The following PLXNC1 variants were observed in gnomAD, a reference collection of about 807,000 sequenced individuals.
PLXNC1 encodes the protein plexin-C1.
A neutral mutation model predicts 178.2 loss-of-function variants in PLXNC1; 75 were observed. The ratio of observed to expected loss-of-function variants is 0.42; its 90% CI spans 0.35 to 0.51. The LOEUF is 0.51. Ranked by LOEUF, PLXNC1 falls within the 20% of genes least tolerant of loss-of-function variation. The probability of loss-of-function intolerance (pLI) is 0.02; values close to 1 mark genes in which losing one functional copy is unlikely to be tolerated. For synonymous variants in PLXNC1, 790 were observed against 779.9 expected (o/e 1.01, Z -0.22); for missense variants, 1,503 against 1,984.4 (o/e 0.76, Z 4.61).
At chr12:94,172,513 T>G (rs537701365) in intron 2 of PLXNC1, among the ~76,000 whole-genome samples, 1 of 152,322 alleles carries the variant, frequency 6.6e-6, no homozygotes, top group African/African-American at 2.4e-5. Context: ...ATGTAAAAAG[T>G]TGCAGAGTCG....
chr12:94,164,447 G>GCCTGAA (rs1555194308), intron 1 of PLXNC1, among the ~76,000 whole-genome samples: 5,403 of 151,598 alleles, frequency 0.036, 108 homozygotes, highest in South Asian at 0.056. Flanking sequence ...TGAGCACCCT[G>GCCTGAA]CCTCGATGAG....
Position 94,181,526 on chromosome 12 carries a change from A to T in PLXNC1, c.1284A>T (p.Lys428Asn). Residue 428 changes from lysine (K) to asparagine (N), a missense_variant, in exon 3 of 31, where the codon AAA becomes AAT. This residue lies in a region of PLXNC1 where 615 missense variants were observed against 698.6 expected (regional missense o/e 0.88). Transcript: ENST00000258526. ...EIKEETPVFY[K>N]LVPDPVKNIY... ...AAGAAGAGACACCTGTTTTCTACAA[A>T]CTCGTTCCTGATCCTGTGAAGAATA... The T allele has an allele frequency of 1.2e-6, 2 of 1,608,426 alleles. No homozygotes were observed. Among genetic ancestry groups the T allele is most frequent in the Non-Finnish European group, 1.7e-6 (2 of 1,174,946 alleles).
chr12:94,179,427 T>C (rs1962220641), intron 2 of PLXNC1, among the ~76,000 whole-genome samples: 1 of 152,024 alleles, frequency 6.6e-6, no homozygotes. Flanking sequence ...AGATTAAAGG[T>C]TAGGTACAAA....
At chr12:94,270,150 A>G (rs1965487307) in intron 21 of PLXNC1, among the ~76,000 whole-genome samples, 1 of 152,202 alleles carries the variant, frequency 6.6e-6, no homozygotes, top group Non-Finnish European at 1.5e-5. Flanking sequence ...GATAGAAAGC[A>G]TTTTCCAGAT....
chr12:94,158,240 G>A (rs754762626), intron 1 of PLXNC1: 7 of 152,266 alleles, frequency 4.6e-5, no homozygotes, highest in Non-Finnish European at 8.8e-5. Context: ...TTGAAGCTGA[G>A]TGGAGAAGGC....
rs114453981 is a variant in PLXNC1, at chr12:94,307,456, T to C, written c.*2171T>C. 43 of 152,324 alleles carry C rather than the reference T, an allele frequency of 2.8e-4. 1 individual carries two copies. Among genetic ancestry groups the C allele is most frequent in the African/African-American group, 9.9e-4 (41 of 41,580 alleles). The allele number at this position is 152,324 out of a possible 1,614,324, so 9.4% of individuals were successfully genotyped here. ...CCAGAGCAACAAATGGCAAACAATT[T>C]CTATTTTCAAGTTTCTTTGCATATT... On this transcript the variant is annotated 3_prime_UTR_variant, in exon 31 of 31. Coordinates refer to ENST00000258526, the MANE Select transcript of PLXNC1 (RefSeq NM_005761.3).
Position 94,243,937 on chromosome 12 carries a change from G to A in PLXNC1, c.2301-1G>A. 2 of 1,547,562 alleles carry A rather than the reference G, an allele frequency of 1.3e-6. No individual in the cohort carries two copies. Among genetic ancestry groups the A allele is most frequent in the Non-Finnish European group, 1.8e-6 (2 of 1,123,524 alleles). ...CTTATTGTTGCTTTTATTCCTTGCAGTGGTGGTCAAAATATAACCATGATG... is the reference window on the plus strand; with the variant it reads ...CTTATTGTTGCTTTTATTCCTTGCAATGGTGGTCAAAATATAACCATGATG... On this transcript the variant is annotated splice_acceptor_variant, in intron 11 of 30. Coordinates refer to ENST00000258526, the MANE Select transcript of PLXNC1 (RefSeq NM_005761.3). LOFTEE classifies it high-confidence loss of function.
chr12:94,226,527 C>A, intron 7 of PLXNC1, 78 bp from the exon 8 acceptor site: 2 of 920,162 alleles, frequency 2.2e-6, no homozygotes, highest in South Asian at 1.4e-5. Flanking sequence ...TGCTTGCATG[C>A]CACATCACAG....
chr12:94,247,847 A>G, intron 12 of PLXNC1, 56 bp from the exon 13 acceptor site: 1 of 1,511,098 alleles, frequency 6.6e-7, no homozygotes, highest in Non-Finnish European at 9.1e-7. Context: ...GCTCTTAGAG[A>G]TCACAGCTGG....
chr12:94,304,600 C>G (rs778304642), intron 30 of PLXNC1, among the ~76,000 whole-genome samples: 10 of 152,242 alleles, frequency 6.6e-5, no homozygotes, highest in East Asian at 3.9e-4. Flanking sequence ...TGATTCCCCC[C>G]CAATCATGCT....
chr12:94,216,856 C>G (rs1963659330), intron 5 of PLXNC1, among the ~76,000 whole-genome samples: 1 of 152,202 alleles, frequency 6.6e-6, no homozygotes, highest in African/African-American at 2.4e-5. Context: ...CTGCATCCCA[C>G]CTGCCCTTTA....
rs150686374 is a variant in PLXNC1 at position 94,182,075 on chromosome 12, A to G, written c.1338+495A>G. The stretch of plus-strand genomic sequence containing the variant: ...TCTTTTGCTTCTGCTTACTGAAATA[A>G]AAGTAATATATTTTTATATTTTCTT... On this transcript the variant is annotated intron_variant, in intron 3 of 30. Transcript: ENST00000258526. 5.6e-4 allele frequency among the ~76,000 whole-genome samples: 85 copies of G among 152,284 alleles called. 1 individual carries two copies. Among genetic ancestry groups the G allele is most frequent in the African/African-American group, 2.0e-3 (82 of 41,556 alleles).
chr12:94,244,072 T>A lies in PLXNC1; in HGVS notation c.2388+47T>A, dbSNP rs1256457159. The A allele has an allele frequency of 4.5e-6, 5 of 1,119,894 alleles. 1 individual carries two copies. The highest frequency in any genetic ancestry group is 3.9e-5 in the South Asian group (3 of 76,922). The allele number at this position is 1,119,894 out of a possible 1,614,324, so 69.4% of individuals were successfully genotyped here. A position where few individuals can be genotyped will look rare whatever the true frequency, so the allele number is the denominator to read the frequency against. On this transcript the variant is annotated intron_variant, in intron 12 of 30. Coordinates refer to ENST00000258526, the MANE Select transcript of PLXNC1 (RefSeq NM_005761.3). ...AATAATAGTTGTTTTCAAGGATGGT[T>A]CTATTTTCATCACACTATGCTATGT...
Position 94,251,486 on chromosome 12 carries a change from T to C in PLXNC1, c.2839T>C (p.Phe947Leu). The change falls in exon 15 of 31, where the codon TTT becomes CTT. Residue 947 changes from phenylalanine to leucine, a missense_variant. Around this residue, in one of 4 missense-constraint regions of PLXNC1, gnomAD observed 639 missense variants for 979.7 expected, o/e 0.65. Coordinates refer to ENST00000258526, the MANE Select transcript of PLXNC1 (RefSeq NM_005761.3). The part of the protein sequence containing the change: ...EQESVPSTWY[F>L]LIVLPVLLVI... ...GGAGTCAGTTCCTTCCACATGGTAT[T>C]TTCTGATTGTGCTCCCTGTCTTGCT... 1 of 1,613,428 alleles carries C rather than the reference T, an allele frequency of 6.2e-7. No individual in the cohort carries two copies. The highest frequency in any genetic ancestry group is 1.1e-5 in the South Asian group (1 of 91,072).
chr12:94,304,275 C>T (rs1050711254), intron 30 of PLXNC1: 3 of 409,936 alleles, frequency 7.3e-6, no homozygotes, highest in Non-Finnish European at 1.3e-5. Flanking sequence ...CCTGAATTTA[C>T]ATTTGAGTTC....
chr12:94,233,705 A>G (rs1253601434), intron 9 of PLXNC1, among the ~76,000 whole-genome samples: 4 of 152,188 alleles, frequency 2.6e-5, no homozygotes, highest in Admixed American at 1.3e-4. Flanking sequence ...CCCAGGGGCT[A>G]AGCATCAAAT....
Position 94,260,911 on chromosome 12 carries a change from C to A in PLXNC1, c.3450+71C>A. 1 of 1,306,436 alleles carries A rather than the reference C, an allele frequency of 7.7e-7. No homozygotes were observed. Among genetic ancestry groups the A allele is most frequent in the East Asian group, 2.4e-5 (1 of 41,260 alleles). 80.9% of individuals were successfully genotyped at this position (1,306,436 alleles called of 1,614,324 possible). On this transcript the variant is annotated intron_variant, in intron 20 of 30. Transcript: ENST00000258526. This position sits in a 1 kb window ranked among gnomAD's most constrained non-coding sequence, Gnocchi z 4.4. ...AGTTATTTTTAGCGGACTCTGATGC[C>A]TTTGCCAGGATAAATCCTGAATGCT...
intron 15 of PLXNC1, 142 bp downstream of exon 15, chr12:94,251,670 T>C: frequency 3.0e-6 from 2 of 666,468 alleles, no homozygotes; most frequent in South Asian, 3.4e-5. Context: ...GAGAAACGAA[T>C]AATAGGTACA....
intron 25 of PLXNC1, 34 bp downstream of exon 25, chr12:94,297,254 C>T (rs914587096): frequency 3.2e-5 from 51 of 1,613,620 alleles, no homozygotes; most frequent in Non-Finnish European, 4.2e-5. Flanking sequence ...CACCACTGAA[C>T]TGCATGCCTT....
Sources: allele counts gnomAD v4.1 joint callset (sites outside exome capture counted in the v4.1 genomes callset), GRCh38; gene constraint gnomAD v4.1.1; regional missense constraint gnomAD v4.1.1; non-coding constraint Gnocchi (gnomAD v3.1); transcripts MANE v1.5; gene names NCBI Gene and HGNC (gene_info 2026-07-23, HGNC 2026-07-21).